Variants in SCD5 observed in about 807,000 individuals in gnomAD.
The protein encoded by SCD5 is acyl-CoA-desaturase 4.
A neutral mutation model predicts 30.4 loss-of-function variants in SCD5; 20 were observed. The ratio of observed to expected loss-of-function variants is 0.66; its 90% CI spans 0.46 to 0.96. SCD5 has a LOEUF of 0.96. Among genes scored for constraint, SCD5 ranks in the 40% least tolerant of loss-of-function variants. The pLI is 0.00. For synonymous variants in SCD5, 173 were observed against 176.4 expected (o/e 0.98, Z 0.16); for missense variants, 381 against 443.3 (o/e 0.86, Z 1.26).
At chr4:82,663,827 G>A (rs1578011107) in intron 3 of SCD5, among the ~76,000 whole-genome samples, 1 of 152,202 alleles carries the variant, frequency 6.6e-6, no homozygotes, top group Non-Finnish European at 1.5e-5. Context: ...TTGCTGCTGA[G>A]GGAGAGACAG....
At chr4:82,711,747 A>G (rs554393570) in intron 1 of SCD5, among the ~76,000 whole-genome samples, 75 of 152,164 alleles carry the variant, frequency 4.9e-4, no homozygotes, top group African/African-American at 1.7e-3. Context: ...AAACATGTCA[A>G]TAGTGACAAG....
intron 3 of SCD5, among the ~76,000 whole-genome samples, chr4:82,649,237 G>A (rs929630531): frequency 6.6e-5 from 10 of 151,490 alleles, no homozygotes; most frequent in Non-Finnish European, 1.0e-4. Context: ...CTTCACCTTA[G>A]AGGCAGTTCA....
At chr4:82,724,956 C>T (rs1447127235) in intron 1 of SCD5, among the ~76,000 whole-genome samples, 1 of 152,184 alleles carries the variant, frequency 6.6e-6, no homozygotes, top group African/African-American at 2.4e-5. Flanking sequence ...AAACAATTTT[C>T]ACTCTCTCCC....
At chr4:82,726,280 G>A (rs1231470033) in intron 1 of SCD5, among the ~76,000 whole-genome samples, 1 of 152,118 alleles carries the variant, frequency 6.6e-6, no homozygotes, top group Non-Finnish European at 1.5e-5. Context: ...AGCCGGGCGT[G>A]GTGGCTCGTG....
chr4:82,673,974 C>G (rs1728384262), intron 3 of SCD5, among the ~76,000 whole-genome samples: 2 of 152,136 alleles, frequency 1.3e-5, no homozygotes. Flanking sequence ...AATTCAGACA[C>G]AGACTTCACA....
chr4:82,697,009 C>A (rs1578026101), intron 2 of SCD5, among the ~76,000 whole-genome samples: 1 of 152,314 alleles, frequency 6.6e-6, no homozygotes, highest in African/African-American at 2.4e-5. Flanking sequence ...CCAATTCTAA[C>A]CTCCTGTGAT....
intron 1 of SCD5, among the ~76,000 whole-genome samples, chr4:82,753,921 G>A (rs926007574): frequency 2.6e-5 from 4 of 152,116 alleles, no homozygotes; most frequent in Non-Finnish European, 4.4e-5. Flanking sequence ...CCTCGTTGCT[G>A]CCAGCTGGGA....
At chr4:82,760,366 T>C (rs1361295923) in intron 1 of SCD5, among the ~76,000 whole-genome samples, 2 of 152,090 alleles carry the variant, frequency 1.3e-5, no homozygotes, top group Non-Finnish European at 2.9e-5. Flanking sequence ...CTCCTGTCAT[T>C]GCACTTCTTC....
In SCD5 at chr4:82,680,751, G is replaced by C. The variant is rs756050259; in HGVS notation, c.525C>G (p.Asp175Glu). 1 of 1,614,104 alleles carries C rather than the reference G, an allele frequency of 6.2e-7. No homozygotes were observed. Residue 175 changes from aspartate (D) to glutamate (E), a missense_variant, in exon 3 of 5, where the codon GAC (aspartate) becomes GAG (glutamate). Transcript: ENST00000319540. ...CAGGATCAGCAAGCAGGTCAGTGAC[G>C]TCAAGCTTTCTCCCCTTCTCAATAA... is the stretch of plus-strand genomic sequence containing the variant. ...RDVIEKGRKL[D>E]VTDLLADPVV...
chr4:82,664,993 C>CTATATATATATA (rs1247846017), intron 3 of SCD5, among the ~76,000 whole-genome samples: 2 of 86,942 alleles, frequency 2.3e-5, no homozygotes, highest in Non-Finnish European at 2.1e-5. Flanking sequence ...CTCTCTCTCT[C>CTATATATATATA]TCTCTCTATA....
chr4:82,722,805 C>T (rs567083564), intron 1 of SCD5, among the ~76,000 whole-genome samples: 104 of 151,300 alleles, frequency 6.9e-4, no homozygotes, highest in Admixed American at 1.9e-3. Flanking sequence ...CAGTAGCTCA[C>T]GCATGTAATC....
rs372364204 is a variant in SCD5, at chr4:82,666,263, A to G, written c.569+14444T>C. Among the ~76,000 whole-genome samples the G allele has an allele frequency of 2.3e-4, 35 of 152,344 alleles. 1 individual carries two copies. In the East Asian group the frequency reaches 5.6e-3, roughly 24 times the overall value. ...AGATTGAATTCTTTAGAACATGAAT[A>G]ACGATTGAATAAAAACCTTTTATAA... On this transcript the variant is annotated intron_variant, in intron 3 of 4. Coordinates refer to ENST00000319540, the MANE Select transcript of SCD5 (RefSeq NM_001037582.3).
chr4:82,681,019 C>T, intron 2 of SCD5, 107 bp from the exon 3 acceptor site: 2 of 877,836 alleles, frequency 2.3e-6, no homozygotes, highest in East Asian at 2.5e-5. Flanking sequence ...CTGCTGGTTT[C>T]ACTTTCCTCC....
intron 1 of SCD5, among the ~76,000 whole-genome samples, chr4:82,791,706 G>A (rs1331273465): frequency 1.3e-5 from 2 of 152,056 alleles, no homozygotes. Flanking sequence ...AGAAACATGG[G>A]ACAGAGGAAT....
intron 1 of SCD5, among the ~76,000 whole-genome samples, chr4:82,797,747 G>C (rs1057249563): frequency 3.9e-5 from 6 of 151,998 alleles, no homozygotes; most frequent in African/African-American, 1.4e-4. Context: ...GAGGCAAGAG[G>C]GGAACCGGTA....
In SCD5 at chr4:82,798,749, T is replaced by G. The variant is rs1247700044; in HGVS notation, c.-212A>C. ...GCAGATCTTGGCGGCCGGCGTCTGT[T>G]GCTGGCGTATCCCCCATATGGCTGC... is the stretch of plus-strand genomic sequence containing the variant. On this transcript the variant is annotated 5_prime_UTR_variant, in exon 1 of 5. Transcript: ENST00000319540. 1.8e-6 allele frequency: 1 copy of G among 542,138 alleles called. No individual in the cohort carries two copies. The highest frequency in any genetic ancestry group is 3.2e-6 in the Non-Finnish European group (1 of 311,152). The allele number at this position is 542,138 out of a possible 1,614,324, so 33.6% of individuals were successfully genotyped here.
chr4:82,677,089 A>C (rs1392110632), intron 3 of SCD5, among the ~76,000 whole-genome samples: 1 of 152,230 alleles, frequency 6.6e-6, no homozygotes, highest in South Asian at 2.1e-4. Flanking sequence ...AATCAACTGC[A>C]ATATCTGTGT....
At chr4:82,675,374 G>A (rs1219952732) in intron 3 of SCD5, among the ~76,000 whole-genome samples, 1 of 152,142 alleles carries the variant, frequency 6.6e-6, no homozygotes, top group African/African-American at 2.4e-5. Context: ...TGGGAGAGAA[G>A]ACTAGAGATA....
rs3047047 is a variant in SCD5, at chr4:82,665,045, C to CACATAT, written c.569+15661_569+15662insATATGT. Among the ~76,000 whole-genome samples, 14 of 118,038 alleles carry CACATAT rather than the reference C, an allele frequency of 1.2e-4. No individual in the cohort carries two copies. In the East Asian group the frequency reaches 2.0e-3, roughly 17 times the overall value. 77.4% of individuals were successfully genotyped at this position (118,038 alleles called of 152,430 possible). A position where few individuals can be genotyped will look rare whatever the true frequency, so the allele number is the denominator to read the frequency against. Reference sequence around the variant, plus strand: ...TGTATAATACACACACACACACACACATATATACACACACACATATATATA... The same window carrying CACATAT: ...TGTATAATACACACACACACACACACACATATATATATACACACACACATATATATA... On this transcript the variant is annotated intron_variant, in intron 3 of 4. Coordinates refer to ENST00000319540, the MANE Select transcript of SCD5 (RefSeq NM_001037582.3).
Sources: allele counts gnomAD v4.1 joint callset (sites outside exome capture counted in the v4.1 genomes callset), GRCh38; gene constraint gnomAD v4.1.1; transcripts MANE v1.5; gene names NCBI Gene and HGNC (gene_info 2026-07-23, HGNC 2026-07-21).